CALN1: variants seen among roughly 807,000 people sequenced by gnomAD.
The protein encoded by CALN1 is calneuron 1, also known as calcium-binding protein 8.
In CALN1, 17 loss-of-function variants were observed where a neutral mutation model predicts 30.6. That is an observed-to-expected ratio of 0.56 (90% CI 0.38 to 0.83). CALN1 has a LOEUF of 0.83. CALN1 is among the 40% of genes least tolerant of loss of function. The pLI is 0.00. For missense variants in CALN1, 291 were observed against 354.9 expected, an observed-to-expected ratio of 0.82 and a Z score of 1.45; for synonymous variants, 156 against 131.4, an observed-to-expected ratio of 1.19 and a Z score of -1.28.
intron 4 of CALN1, among the ~76,000 whole-genome samples, chr7:72,054,912 A>T (rs894224684): frequency 6.6e-6 from 1 of 152,092 alleles, no homozygotes; most frequent in Non-Finnish European, 1.5e-5. Context: ...ATAAAAACAA[A>T]ACAAAACAAA....
intron 4 of CALN1, among the ~76,000 whole-genome samples, chr7:72,077,994 T>C (rs1804865722): frequency 2.0e-5 from 3 of 152,240 alleles, no homozygotes; most frequent in South Asian, 2.1e-4. Flanking sequence ...CAAAATGAAG[T>C]TGTGCTAGGC....
intron 2 of CALN1, among the ~76,000 whole-genome samples, chr7:72,379,535 T>A (rs1439561956): frequency 6.6e-6 from 1 of 152,226 alleles, no homozygotes; most frequent in Non-Finnish European, 1.5e-5. Context: ...TTTCAAAATT[T>A]CAACTGACTA....
rs111435105 is a variant in CALN1, at chr7:71,920,492, C to T, written c.501+103165G>A. ...CTGAGACTGCAGGTGCCCTCCACCA[C>T]GCCCAGCTGATTTTTTGTATTTTTA... On this transcript the variant is annotated intron_variant, in intron 5 of 6. Transcript: ENST00000395275. 8.0e-3 allele frequency among the ~76,000 whole-genome samples: 1,212 copies of T among 151,954 alleles called. 13 individuals carry two copies. Among genetic ancestry groups the T allele is most frequent in the African/African-American group, 0.025 (1,036 of 41,444 alleles).
At chr7:72,490,403 G>A in the CALN1 span, among the ~76,000 whole-genome samples, 6 of 152,128 alleles carry the variant, frequency 3.9e-5, no homozygotes, top group African/African-American at 1.4e-4. Context: ...AGGCAGACGC[G>A]GATTTTCATC....
intron 3 of CALN1, among the ~76,000 whole-genome samples, chr7:72,225,838 C>G (rs138992308): frequency 6.6e-6 from 1 of 152,252 alleles, no homozygotes; most frequent in Non-Finnish European, 1.5e-5. Flanking sequence ...TGGATCAGGC[C>G]TGTAATCCCA....
intron 4 of CALN1, among the ~76,000 whole-genome samples, chr7:72,047,340 T>C (rs571990383): frequency 2.0e-5 from 3 of 152,252 alleles, no homozygotes; most frequent in South Asian, 2.1e-4. Flanking sequence ...CGTGGCTACC[T>C]GTAATTTCAG....
intron 5 of CALN1, among the ~76,000 whole-genome samples, chr7:71,814,161 GT>G (rs1369429108): frequency 6.6e-6 from 1 of 152,042 alleles, no homozygotes; most frequent in East Asian, 1.9e-4. Flanking sequence ...TCACCCCAAG[GT>G]TTTTGTCCAA....
At chr7:72,079,924 C>G (rs192748635) in intron 4 of CALN1, among the ~76,000 whole-genome samples, 3 of 151,978 alleles carry the variant, frequency 2.0e-5, no homozygotes, top group East Asian at 1.9e-4. Context: ...GCATCTGCCA[C>G]GATGCCCAGC....
At chr7:72,360,642 C>A (rs771858481) in intron 2 of CALN1, among the ~76,000 whole-genome samples, 1 of 147,326 alleles carries the variant, frequency 6.8e-6, no homozygotes, top group Non-Finnish European at 1.5e-5. Context: ...CTAGGGTACA[C>A]GTGCACAACG....
intron 4 of CALN1, among the ~76,000 whole-genome samples, chr7:72,050,707 T>A (rs1433000456): frequency 6.6e-6 from 1 of 152,100 alleles, no homozygotes; most frequent in African/African-American, 2.4e-5. Flanking sequence ...TTAAAATAAT[T>A]TCATTATTTT....
chr7:71,853,210 G>A (rs1299309216), intron 5 of CALN1, among the ~76,000 whole-genome samples: 1 of 151,596 alleles, frequency 6.6e-6, no homozygotes, highest in Non-Finnish European at 1.5e-5. Context: ...CCAAAGTGCT[G>A]GGATTACAGG....
intron 5 of CALN1, among the ~76,000 whole-genome samples, chr7:71,910,110 T>C (rs1794348203): frequency 6.6e-6 from 1 of 152,224 alleles, no homozygotes; most frequent in African/African-American, 2.4e-5. Flanking sequence ...TATCTCCAGC[T>C]GGCCCCACCC....
intron 3 of CALN1, among the ~76,000 whole-genome samples, chr7:72,131,638 A>G (rs1423982806): frequency 1.3e-5 from 2 of 152,080 alleles, no homozygotes; most frequent in African/African-American, 4.8e-5. Context: ...CATTGTTCAC[A>G]CTCTAAAATT....
rs1792881824 is a variant in CALN1 at position 71,784,471 on chromosome 7, A to G, written c.*3304T>C. 1 of 222,342 alleles carries G rather than the reference A, an allele frequency of 4.5e-6. No homozygotes were observed. Among genetic ancestry groups the G allele is most frequent in the Non-Finnish European group, 8.8e-6 (1 of 113,896 alleles). The allele number at this position is 222,342 out of a possible 1,614,324, so 13.8% of individuals were successfully genotyped here. A position where few individuals can be genotyped will look rare whatever the true frequency, so the allele number is the denominator to read the frequency against. On this transcript the variant is annotated 3_prime_UTR_variant, in exon 7 of 7. Coordinates refer to ENST00000395275, the MANE Select transcript of CALN1 (RefSeq NM_031468.4). The stretch of plus-strand genomic sequence containing the variant: ...GATCAGTCACGTGGGACCCAAGCAC[A>G]TTCTGGAAGCCATTGCTAATAGTCC...
At chr7:72,422,414 C>G (rs183559796) in intron 1 of CALN1, among the ~76,000 whole-genome samples, 2 of 152,156 alleles carry the variant, frequency 1.3e-5, no homozygotes, top group Admixed American at 6.5e-5. Context: ...CACAAGCCCC[C>G]CTGGCTGTTT....
rs148876160 is a variant in CALN1 at position 71,780,684 on chromosome 7, G to A, written c.*7091C>T. 1.3e-5 allele frequency: 2 copies of A among 151,648 alleles called. No homozygotes were observed. The highest frequency in any genetic ancestry group is 2.1e-4 in the South Asian group (1 of 4,802). 9.4% of individuals were successfully genotyped at this position (151,648 alleles called of 1,614,324 possible). A position where few individuals can be genotyped will look rare whatever the true frequency, so the allele number is the denominator to read the frequency against. On this transcript the variant is annotated 3_prime_UTR_variant, in exon 7 of 7. Transcript: ENST00000395275. Reference sequence around the variant, plus strand: ...ACTATCAACATATACTGGAAGTGCTGTTATAGTGGCCAGAAAAAAAAAAAA... The same window carrying A: ...ACTATCAACATATACTGGAAGTGCTATTATAGTGGCCAGAAAAAAAAAAAA...
chr7:72,317,113 A>G, intron 2 of CALN1, among the ~76,000 whole-genome samples: 2 of 57,354 alleles, frequency 3.5e-5, no homozygotes, highest in Admixed American at 2.1e-4. Flanking sequence ...GAAGGGAGGG[A>G]GGGAGAAAAA....
At chr7:72,408,674 C>CTT (rs1562955748) in intron 1 of CALN1, among the ~76,000 whole-genome samples, 1 of 15,960 alleles carries the variant, frequency 6.3e-5, no homozygotes, top group Non-Finnish European at 1.2e-4. Context: ...ATTATCTTTT[C>CTT]CTTTTTTTTT....
intron 2 of CALN1, among the ~76,000 whole-genome samples, chr7:72,381,393 T>A (rs1436617483): frequency 6.6e-6 from 1 of 152,164 alleles, no homozygotes; most frequent in African/African-American, 2.4e-5. Flanking sequence ...ACATGTATGT[T>A]TACTGCAGCA....
Sources: gnomAD v4.1 joint callset for allele counts (sites outside exome capture counted in the v4.1 genomes callset) on GRCh38, gnomAD v4.1.1 for gene constraint, MANE v1.5 for transcripts, NCBI Gene and HGNC (gene_info 2026-07-23, HGNC 2026-07-21) for gene names.